The following SLCO2B1 variants were observed in gnomAD, a reference collection of about 807,000 sequenced individuals.
SLCO2B1 encodes solute carrier organic anion transporter family member 2B1.
A neutral mutation model predicts 67.3 loss-of-function variants in SLCO2B1; 41 were observed. The observed-to-expected ratio is 0.61, with a 90% CI of 0.47 to 0.79. SLCO2B1 has a LOEUF of 0.79. Ranked by LOEUF, SLCO2B1 falls within the 30% of genes least tolerant of loss-of-function variation. The probability of loss-of-function intolerance (pLI) is 0.00; values close to 1 mark genes in which losing one functional copy is unlikely to be tolerated. For missense variants in SLCO2B1, 837 were observed against 920.1 expected, an observed-to-expected ratio of 0.91 and a Z score of 1.17; for synonymous variants, 379 against 381.4, an observed-to-expected ratio of 0.99 and a Z score of 0.07.
intron 1 of SLCO2B1, among the ~76,000 whole-genome samples, chr11:75,156,446 G>C (rs1350439705): frequency 6.6e-6 from 1 of 152,152 alleles, no homozygotes; most frequent in Non-Finnish European, 1.5e-5. Flanking sequence ...GGAACCCCAA[G>C]CAACTTTAGG....
intron 4 of SLCO2B1, among the ~76,000 whole-genome samples, chr11:75,166,626 C>T (rs1949895911): frequency 6.7e-6 from 1 of 149,470 alleles, no homozygotes; most frequent in South Asian, 2.2e-4. Flanking sequence ...ACCCATCGAT[C>T]CATCCACCTA....
chr11:75,173,686 A>G (rs1310306337), intron 7 of SLCO2B1, among the ~76,000 whole-genome samples: 1 of 152,244 alleles, frequency 6.6e-6, no homozygotes, highest in Admixed American at 6.5e-5. Context: ...GCCACCAGGC[A>G]GGATAGCCAT....
intron 1 of SLCO2B1, among the ~76,000 whole-genome samples, chr11:75,159,579 G>A (rs964933317): frequency 1.3e-5 from 2 of 152,222 alleles, no homozygotes; most frequent in African/African-American, 2.4e-5. Context: ...TCAGGGAGGC[G>A]AAGGTTTGCT....
intron 7 of SLCO2B1, among the ~76,000 whole-genome samples, chr11:75,181,325 G>T (rs1439332735): frequency 6.9e-6 from 1 of 145,156 alleles, no homozygotes. Flanking sequence ...AGCCGAGATT[G>T]CATCATTGCA....
chr11:75,200,291 C>T lies in SLCO2B1; in HGVS notation c.1667C>T (p.Thr556Met), dbSNP rs772552828. The T allele has an allele frequency of 6.3e-5, 101 of 1,613,812 alleles. No homozygotes were observed. In the South Asian group the frequency reaches 7.0e-4, roughly 11 times the overall value. ...GTGCTGGCAGGATCCTGCGACTCAACGTGCAGCCATCTGGTGGTGCCCTTC... is the reference window on the plus strand; with the variant it reads ...GTGCTGGCAGGATCCTGCGACTCAATGTGCAGCCATCTGGTGGTGCCCTTC... ...NPVLAGSCDS[T>M]CSHLVVPFLL... The change falls in exon 11 of 14, where the codon ACG (threonine) becomes ATG (methionine). Residue 556 changes from threonine to methionine, a missense_variant. Physicochemically the swap from Thr to Met is moderately conservative, Grantham distance 81. Coordinates refer to ENST00000289575, the MANE Select transcript of SLCO2B1 (RefSeq NM_007256.5).
chr11:75,163,493 A>G (rs1000065032), intron 2 of SLCO2B1, among the ~76,000 whole-genome samples: 19 of 152,020 alleles, frequency 1.2e-4, no homozygotes, highest in African/African-American at 4.6e-4. Flanking sequence ...TGAATCTGAG[A>G]TAGCTTCCCT....
At position 75,193,497 on chromosome 11, in the gene SLCO2B1, T is replaced by C. The variant is rs756839464; in HGVS notation, c.1355T>C (p.Leu452Pro). The change falls in exon 9 of 14, where the codon CTG becomes CCG. Residue 452 changes from leucine (L) to proline (P), a missense_variant. Physicochemically the swap from Leu to Pro is moderately conservative, Grantham distance 98. Coordinates refer to ENST00000289575, the MANE Select transcript of SLCO2B1 (RefSeq NM_007256.5). The surrounding 1 kb of genome is among the most constrained non-coding windows in gnomAD (Gnocchi z 4.2). ...CGALCLLGML[L>P]CLFFSLPLFF... Reference sequence around the variant, plus strand: ...GCCCTTTGCCTGCTGGGGATGCTGCTGTGCCTCTTCTTCAGCCTGCCGCTC... The same window carrying C: ...GCCCTTTGCCTGCTGGGGATGCTGCCGTGCCTCTTCTTCAGCCTGCCGCTC... The C allele has an allele frequency of 1.9e-6, 3 of 1,607,164 alleles. No homozygotes were observed. Among genetic ancestry groups the C allele is most frequent in the Non-Finnish European group, 2.6e-6 (3 of 1,175,664 alleles).
rs75999605 is a variant in SLCO2B1, at chr11:75,164,233, G to A, written c.285+133G>A. On this transcript the variant is annotated intron_variant, in intron 3 of 13. Coordinates refer to ENST00000289575, the MANE Select transcript of SLCO2B1 (RefSeq NM_007256.5). ...GCCCTCAGGCAACCCCTGTCCCAGC[G>A]CCTGCCTGAAACCTCAGAGCGTTTG... The A allele has an allele frequency of 1.2e-3, 1,143 of 989,010 alleles. 10 individuals are homozygous for A. The African/African-American group carries it at 0.016, about 14-fold the overall frequency. The allele number at this position is 989,010 out of a possible 1,614,324, so 61.3% of individuals were successfully genotyped here.
At chr11:75,181,092 G>T (rs1010493619) in intron 7 of SLCO2B1, among the ~76,000 whole-genome samples, 1 of 152,158 alleles carries the variant, frequency 6.6e-6, no homozygotes, top group Non-Finnish European at 1.5e-5. Flanking sequence ...GCCAGGGCCG[G>T]TTGCCGTGGC....
chr11:75,157,891 T>A (rs758606424), intron 1 of SLCO2B1, among the ~76,000 whole-genome samples: 2 of 152,166 alleles, frequency 1.3e-5, no homozygotes, highest in Non-Finnish European at 2.9e-5. Context: ...GGCTTGGTAA[T>A]TCTCCCACCT....
intron 13 of SLCO2B1, 27 bp downstream of exon 13, chr11:75,203,454 G>A (rs914294103): frequency 6.2e-7 from 1 of 1,613,496 alleles, no homozygotes. Context: ...TGGCTTGTGG[G>A]AAGGGTGCTG....
intron 7 of SLCO2B1, among the ~76,000 whole-genome samples, chr11:75,178,109 A>AAC (rs1950048496): frequency 6.6e-6 from 1 of 151,588 alleles, no homozygotes; most frequent in African/African-American, 2.4e-5. Flanking sequence ...AAAAAAAAAA[A>AAC]CAAAAAACAA....
intron 1 of SLCO2B1, among the ~76,000 whole-genome samples, chr11:75,158,738 C>T (rs1949775332): frequency 6.6e-6 from 1 of 152,190 alleles, no homozygotes; most frequent in Non-Finnish European, 1.5e-5. Flanking sequence ...CAGGGATGTG[C>T]CCAGGCTCAC....
intron 13 of SLCO2B1, 89 bp from the exon 14 acceptor site, chr11:75,204,311 A>G (rs1406688277): frequency 3.0e-6 from 4 of 1,333,938 alleles, no homozygotes; most frequent in Non-Finnish European, 4.1e-6. Context: ...AGGCCTCAGT[A>G]TCTCTGATTT....
intron 1 of SLCO2B1, among the ~76,000 whole-genome samples, chr11:75,157,932 T>A (rs1449956728): frequency 6.6e-6 from 1 of 152,196 alleles, no homozygotes; most frequent in Non-Finnish European, 1.5e-5. Flanking sequence ...ATTACAGGCG[T>A]GAGCCACTGC....
At position 75,169,694 on chromosome 11, in the gene SLCO2B1, G is replaced by T. The variant is rs2140313636; in HGVS notation, c.711G>T (p.Gly237=). The change falls in exon 6 of 14, where the codon GGG becomes GGT. Residue 237 remains glycine (G), a synonymous_variant. Transcript: ENST00000289575. ...LGILFAVTMM[G]PGLAFGLGSL... Reference sequence around the variant, plus strand: ...TCCTGTTTGCAGTGACCATGATGGGGCCAGGCCTGGCCTTTGGGCTGGGCA... The same window carrying T: ...TCCTGTTTGCAGTGACCATGATGGGTCCAGGCCTGGCCTTTGGGCTGGGCA... The T allele has an allele frequency of 6.2e-7, 1 of 1,613,862 alleles. No individual in the cohort carries two copies. Among genetic ancestry groups the T allele is most frequent in the Non-Finnish European group, 8.5e-7 (1 of 1,179,858 alleles).
intron 1 of SLCO2B1, among the ~76,000 whole-genome samples, chr11:75,160,783 A>G (rs1949809752): frequency 6.6e-6 from 1 of 152,214 alleles, no homozygotes; most frequent in Non-Finnish European, 1.5e-5. Flanking sequence ...TTGTATAGAC[A>G]TTTCTCCAAA....
chr11:75,172,928 CAAA>C (rs59869396), intron 7 of SLCO2B1, among the ~76,000 whole-genome samples: 1 of 140,622 alleles, frequency 7.1e-6, no homozygotes. Context: ...GACTCCGTCT[CAAA>C]AAAAAAAAAA....
intron 7 of SLCO2B1, among the ~76,000 whole-genome samples, chr11:75,181,558 C>A (rs1226867270): frequency 6.6e-6 from 1 of 152,050 alleles, no homozygotes; most frequent in African/African-American, 2.4e-5. Context: ...TCCATATCAC[C>A]CCAGAGTCCA....
Sources: allele counts gnomAD v4.1 joint callset (sites outside exome capture counted in the v4.1 genomes callset), GRCh38; gene constraint gnomAD v4.1.1; non-coding constraint Gnocchi (gnomAD v3.1); transcripts MANE v1.5; gene names NCBI Gene and HGNC (gene_info 2026-07-23, HGNC 2026-07-21).